The following MXRA7 variants were observed in gnomAD, a reference collection of about 807,000 sequenced individuals.
MXRA7 encodes the protein matrix-remodeling-associated protein 7.
Under a neutral mutation model 17.4 loss-of-function variants are expected in MXRA7, and 18 were observed. The observed-to-expected ratio is 1.03, with a 90% CI of 0.71 to 1.53. The LOEUF is 1.53. MXRA7 is among the 40% of genes most tolerant of loss of function. The probability of loss-of-function intolerance (pLI) is 0.00; values close to 1 mark genes in which losing one functional copy is unlikely to be tolerated. For missense variants in MXRA7, 141 were observed against 209.3 expected (o/e 0.67, Z 2.01); for synonymous variants, 70 against 101.7 (o/e 0.69, Z 1.87).
downstream of MXRA7, chr17:76,679,545 G>A (rs973875465): frequency 1.0e-6 from 1 of 956,614 alleles, no homozygotes; most frequent in Admixed American, 6.2e-5. Flanking sequence ...TTAAAACAAA[G>A]CAAACTGAAA....
chr17:76,689,435 C>G (rs2143627452), intron 1 of MXRA7: 1 of 152,504 alleles, frequency 6.6e-6, no homozygotes, highest in East Asian at 1.9e-4. Flanking sequence ...CTGGGGGGAG[C>G]TGCGCAGGCA....
chr17:76,690,685 G>A (rs1047130291), intron 1 of MXRA7, among the ~76,000 whole-genome samples: 3 of 151,980 alleles, frequency 2.0e-5, no homozygotes, highest in Admixed American at 2.0e-4. Flanking sequence ...TTTGGTTTCG[G>A]CCCCCAGTTC....
At chr17:76,696,675 A>T (rs1325249237) in intron 1 of MXRA7, among the ~76,000 whole-genome samples, 1 of 152,148 alleles carries the variant, frequency 6.6e-6, no homozygotes, top group Non-Finnish European at 1.5e-5. Context: ...GAACTATGAG[A>T]AGAGGGTACA....
chr17:76,692,313 G>A (rs1208052275), intron 1 of MXRA7, among the ~76,000 whole-genome samples: 2 of 151,392 alleles, frequency 1.3e-5, no homozygotes, highest in Admixed American at 1.3e-4. Context: ...GAGTGCAATG[G>A]TACGATCTTG....
chr17:76,673,216 G>C (rs1274061256), exon 4 of MXRA7: 1 of 152,256 alleles, frequency 6.6e-6, no homozygotes, highest in Non-Finnish European at 1.5e-5. Context: ...GGCAGCTGCT[G>C]TCAGGCTGGG....
downstream of MXRA7, chr17:76,675,455 T>A (rs2076300382): frequency 7.2e-6 from 1 of 138,056 alleles, no homozygotes; most frequent in Non-Finnish European, 1.5e-5. Flanking sequence ...TAGAGTGCAG[T>A]GGCGCGATGG....
chr17:76,686,518 G>T (rs554715422), intron 2 of MXRA7, among the ~76,000 whole-genome samples: 2 of 152,220 alleles, frequency 1.3e-5, no homozygotes, highest in South Asian at 2.1e-4. Context: ...ACAAAATCCT[G>T]CCTTGGTCCC....
chr17:76,675,847 G>A (rs925769933), downstream of MXRA7: 3 of 152,174 alleles, frequency 2.0e-5, no homozygotes, highest in African/African-American at 7.2e-5. Context: ...GCAGGCAAGA[G>A]GCGACGGCGG....
chr17:76,699,542 AT>A (rs776176324), intron 1 of MXRA7, among the ~76,000 whole-genome samples: 8 of 152,142 alleles, frequency 5.3e-5, no homozygotes, highest in Non-Finnish European at 1.2e-4. Flanking sequence ...ACCTTGTTCA[AT>A]TTCAATAATC....
At chr17:76,705,933 T>C (rs1272063516) in intron 1 of MXRA7, among the ~76,000 whole-genome samples, 1 of 152,232 alleles carries the variant, frequency 6.6e-6, no homozygotes, top group East Asian at 1.9e-4. Context: ...CTCCACTACT[T>C]GGCTTCTGAG....
chr17:76,684,976 G>A, intron 3 of MXRA7, 96 bp downstream of exon 3: 1 of 992,402 alleles, frequency 1.0e-6, no homozygotes. Flanking sequence ...CTCCTTTCTG[G>A]GCCCTTCTGC....
chr17:76,706,108 TC>T (rs2076652242), intron 1 of MXRA7, among the ~76,000 whole-genome samples: 1 of 150,926 alleles, frequency 6.6e-6, no homozygotes, highest in African/African-American at 2.5e-5. Context: ...CACGCTGCCA[TC>T]ACAAAGGCCC....
At chr17:76,696,558 A>G (rs144624911) in intron 1 of MXRA7, among the ~76,000 whole-genome samples, 20 of 152,224 alleles carry the variant, frequency 1.3e-4, no homozygotes, top group Non-Finnish European at 2.4e-4. Flanking sequence ...ACAGGTGTCA[A>G]TACAAATTTT....
intron 3 of MXRA7, among the ~76,000 whole-genome samples, chr17:76,682,182 G>A (rs898344774): frequency 4.6e-5 from 7 of 152,206 alleles, no homozygotes; most frequent in African/African-American, 1.7e-4. Flanking sequence ...TGTCATGAGA[G>A]CCTGTGAACT....
At chr17:76,699,829 G>A (rs2143661428) in intron 1 of MXRA7, among the ~76,000 whole-genome samples, 1 of 152,336 alleles carries the variant, frequency 6.6e-6, no homozygotes, top group Admixed American at 6.5e-5. Context: ...AGAGACTGCT[G>A]CAAGGAGGAG....
At chr17:76,677,381 A>G, downstream of MXRA7, 1 of 505,662 alleles carries the variant, frequency 2.0e-6, no homozygotes, top group East Asian at 3.1e-5. Context: ...CAGAGGGGTC[A>G]GGGACTTTGT....
At chr17:76,703,125 TTA>T (rs2076615113) in intron 1 of MXRA7, among the ~76,000 whole-genome samples, 1 of 151,658 alleles carries the variant, frequency 6.6e-6, no homozygotes, top group Admixed American at 6.6e-5. Flanking sequence ...ACAGCAAGAT[TTA>T]TCTCAGACTC....
At chr17:76,687,447 C>G (rs1451468753) in intron 2 of MXRA7, among the ~76,000 whole-genome samples, 1 of 152,252 alleles carries the variant, frequency 6.6e-6, no homozygotes, top group Admixed American at 6.5e-5. Context: ...AGCACTAATC[C>G]TCCCTGTGCT....
intron 1 of MXRA7, among the ~76,000 whole-genome samples, chr17:76,700,825 G>A (rs949453165): frequency 2.0e-5 from 3 of 152,172 alleles, no homozygotes; most frequent in East Asian, 1.9e-4. Context: ...GAGAGTGGGC[G>A]GGCGGCAGGC....
Sources: gnomAD v4.1 joint callset for allele counts (sites outside exome capture counted in the v4.1 genomes callset) on GRCh38, gnomAD v4.1.1 for gene constraint, MANE v1.5 for transcripts, NCBI Gene and HGNC (gene_info 2026-07-23, HGNC 2026-07-21) for gene names.